Variants in SYNPR observed in about 807,000 individuals in gnomAD.
The protein encoded by SYNPR is synaptoporin.
A neutral mutation model predicts 32.9 loss-of-function variants in SYNPR; 23 were observed. That is an observed-to-expected ratio of 0.70 (90% CI 0.50 to 0.99). SYNPR has a LOEUF of 0.99. Ranked by LOEUF, SYNPR falls within the 50% of genes least tolerant of loss-of-function variation. SYNPR has a pLI of 0.00. For synonymous variants in SYNPR, 146 were observed against 135.9 expected (o/e 1.07, Z -0.52); for missense variants, 318 against 349.3 (o/e 0.91, Z 0.71).
At chr3:63,463,472 T>C (rs1456059549) in intron 2 of SYNPR, among the ~76,000 whole-genome samples, 1 of 152,104 alleles carries the variant, frequency 6.6e-6, no homozygotes, top group African/African-American at 2.4e-5. Context: ...AAAGTAGCTG[T>C]GAATGAATGT....
chr3:63,421,061 T>C (rs1352511081), intron 2 of SYNPR, among the ~76,000 whole-genome samples: 2 of 152,014 alleles, frequency 1.3e-5, no homozygotes, highest in Non-Finnish European at 2.9e-5. Context: ...TTAAATTTTC[T>C]TGTAGAGATG....
At chr3:63,549,156 G>T (rs547543940) in intron 3 of SYNPR, among the ~76,000 whole-genome samples, 13 of 152,218 alleles carry the variant, frequency 8.5e-5, no homozygotes, top group Admixed American at 5.2e-4. Flanking sequence ...GTTTTTAATG[G>T]CTTTCTATCG....
intron 2 of SYNPR, among the ~76,000 whole-genome samples, chr3:63,477,928 C>A (rs1038363270): frequency 6.6e-6 from 1 of 152,174 alleles, no homozygotes; most frequent in Non-Finnish European, 1.5e-5. Context: ...GGAGTATGCG[C>A]CTGCACTCTA....
intron 3 of SYNPR, among the ~76,000 whole-genome samples, chr3:63,268,908 G>A (rs1459641801): frequency 2.6e-5 from 4 of 152,192 alleles, no homozygotes; most frequent in African/African-American, 7.2e-5. Flanking sequence ...CTGTGCGAAT[G>A]CTAGAAATTT....
chr3:63,571,327 G>T (rs1702882013), intron 4 of SYNPR, among the ~76,000 whole-genome samples: 1 of 152,134 alleles, frequency 6.6e-6, no homozygotes, highest in Admixed American at 6.6e-5. Flanking sequence ...GTTCCTCTCT[G>T]AAAAGGTGGA....
chr3:63,238,400 A>G (rs1007518505), intron 1 of SYNPR, among the ~76,000 whole-genome samples: 1 of 151,740 alleles, frequency 6.6e-6, no homozygotes, highest in African/African-American at 2.4e-5. Flanking sequence ...AGAGGGTCTG[A>G]TTGGTTCGGG....
At chr3:63,423,027 AT>A (rs1699827027) in intron 2 of SYNPR, among the ~76,000 whole-genome samples, 2 of 152,244 alleles carry the variant, frequency 1.3e-5, no homozygotes, top group Non-Finnish European at 2.9e-5. Flanking sequence ...AGAAAAACAC[AT>A]TGCAGATCGA....
the SYNPR span, among the ~76,000 whole-genome samples, chr3:63,211,421 C>T: frequency 1.3e-5 from 2 of 152,168 alleles, no homozygotes; most frequent in Non-Finnish European, 2.9e-5. Flanking sequence ...TGCCATGGCA[C>T]AAGAGCAAGG....
rs67017853 is a variant in SYNPR, at chr3:63,572,278, TCTCCTC to T, written c.408+15552_408+15557del. On this transcript the variant is annotated intron_variant, in intron 4 of 5. Coordinates refer to ENST00000478300, the MANE Select transcript of SYNPR (RefSeq NM_001130003.2). ...ACCTTTAACTGTGCTTTCTTCTCCT[TCTCCTC>T]CTCCTCCTCCTCCTTCCTCTTCTTA... 1.1e-4 allele frequency among the ~76,000 whole-genome samples: 16 copies of T among 151,896 alleles called. No homozygotes were observed. The East Asian group carries it at 2.3e-3, about 22-fold the overall frequency.
chr3:63,567,061 T>C (rs1019904641), intron 4 of SYNPR, among the ~76,000 whole-genome samples: 1 of 152,178 alleles, frequency 6.6e-6, no homozygotes. Flanking sequence ...TTCTATATTA[T>C]TTTTTGTTCT....
At chr3:63,341,968 T>C (rs2087375786) in intron 2 of SYNPR, among the ~76,000 whole-genome samples, 1 of 152,230 alleles carries the variant, frequency 6.6e-6, no homozygotes, top group South Asian at 2.1e-4. Flanking sequence ...TCCTGTATTA[T>C]CTTCTAGAGG....
At chr3:63,594,690 G>A (rs1699903179) in intron 4 of SYNPR, among the ~76,000 whole-genome samples, 1 of 152,086 alleles carries the variant, frequency 6.6e-6, no homozygotes, top group African/African-American at 2.4e-5. Flanking sequence ...ACTTCAATAA[G>A]TGTTCTCTAA....
chr3:63,467,816 A>G (rs184229508), intron 2 of SYNPR, among the ~76,000 whole-genome samples: 1 of 152,324 alleles, frequency 6.6e-6, no homozygotes, highest in East Asian at 1.9e-4. Flanking sequence ...ATCCAAATGC[A>G]TTGTAACAAG....
At chr3:63,545,928 A>G (rs1455804174) in intron 3 of SYNPR, among the ~76,000 whole-genome samples, 1 of 152,152 alleles carries the variant, frequency 6.6e-6, no homozygotes, top group African/African-American at 2.4e-5. Flanking sequence ...TAAATTGTCT[A>G]TTCCTGATAC....
At chr3:63,209,144 C>A in the SYNPR span, among the ~76,000 whole-genome samples, 20 of 152,058 alleles carry the variant, frequency 1.3e-4, no homozygotes, top group African/African-American at 4.6e-4. Flanking sequence ...CAGTGAAACC[C>A]CGTCTCTACT....
chr3:63,585,514 G>A (rs1703169348), intron 4 of SYNPR, among the ~76,000 whole-genome samples: 1 of 151,816 alleles, frequency 6.6e-6, no homozygotes, highest in African/African-American at 2.4e-5. Flanking sequence ...ACATTTTGGG[G>A]GGTTGCACTG....
At chr3:63,563,856 C>G (rs770024522) in intron 4 of SYNPR, among the ~76,000 whole-genome samples, 1 of 151,396 alleles carries the variant, frequency 6.6e-6, no homozygotes, top group Admixed American at 6.6e-5. Context: ...CTTTTCAGGT[C>G]TCTGTGCTGT....
At chr3:63,604,860 T>C (rs747662987) in intron 4 of SYNPR, among the ~76,000 whole-genome samples, 18 of 152,248 alleles carry the variant, frequency 1.2e-4, no homozygotes, top group Non-Finnish European at 5.9e-5. Context: ...AGTGCCTTGA[T>C]TATTTGCTCT....
intron 2 of SYNPR, among the ~76,000 whole-genome samples, chr3:63,424,636 G>A (rs184914604): frequency 7.9e-4 from 120 of 151,470 alleles, no homozygotes; most frequent in Non-Finnish European, 1.3e-3. Context: ...TAAACCTTCC[G>A]GATTAAAAAA....
Sources: allele counts gnomAD v4.1 joint callset (sites outside exome capture counted in the v4.1 genomes callset), GRCh38; gene constraint gnomAD v4.1.1; transcripts MANE v1.5; gene names NCBI Gene and HGNC (gene_info 2026-07-23, HGNC 2026-07-21).